ARMCX1: variants seen among roughly 807,000 people sequenced by gnomAD.
ARMCX1 encodes the protein armadillo repeat-containing X-linked protein 1.
In ARMCX1, 4 loss-of-function variants were observed where a neutral mutation model predicts 15.4. The ratio of observed to expected loss-of-function variants is 0.26; its 90% confidence interval spans 0.13 to 0.59. The LOEUF is 0.59. ARMCX1 is among the 20% of genes least tolerant of loss of function. The pLI is 0.89. For missense variants in ARMCX1, 273 were observed against 337.1 expected, an observed-to-expected ratio of 0.81 and a Z score of 1.49; for synonymous variants, 144 against 130.5, an observed-to-expected ratio of 1.10 and a Z score of -0.71.
Position 101,551,027 on chromosome X carries a change from C to G in ARMCX1, c.-188+3C>G, listed in dbSNP as rs913723954. On this transcript the variant is annotated splice_donor_region_variant and intron_variant, in intron 2 of 3. Coordinates refer to ENST00000372829, the MANE Select transcript of ARMCX1 (RefSeq NM_016608.2). ...TAGTCTGCCTGGAATCCCTGCAGGT[C>G]AGTGTAAAGCTGGAGCTGTCCCGCG... The G allele has an allele frequency of 1.8e-5, 2 of 111,224 alleles. No individual in the cohort carries two copies. The highest frequency in any genetic ancestry group is 3.8e-5 in the Non-Finnish European group (2 of 53,040). The allele number at this position is 111,224 out of a possible 1,213,427, so 9.2% of individuals were successfully genotyped here.
chrX:101,554,662 C>A lies in ARMCX1; in HGVS notation c.*370C>A. 8.2e-6 allele frequency: 1 copy of A among 121,461 alleles called. No individual in the cohort carries two copies. The highest frequency in any genetic ancestry group is 1.8e-5 in the Non-Finnish European group (1 of 55,922). The allele number at this position is 121,461 out of a possible 1,213,427, so 10.0% of individuals were successfully genotyped here. A position where few individuals can be genotyped will look rare whatever the true frequency, so the allele number is the denominator to read the frequency against. On this transcript the variant is annotated 3_prime_UTR_variant, in exon 4 of 4. Coordinates refer to ENST00000372829, the MANE Select transcript of ARMCX1 (RefSeq NM_016608.2). ...ATTTGTTATTCTAAGACTTGTGTTT[C>A]ATCAATAAAGTTGTGTTTTAAGCAG...
chrX:101,552,837 T>C lies in ARMCX1; in HGVS notation c.-94T>C. Reference sequence around the variant, plus strand: ...GAGCTGCCTCAGAGCCGGCCCGCAGTAGCTGCAGACTCCGCCCGCGACGTG... The same window carrying C: ...GAGCTGCCTCAGAGCCGGCCCGCAGCAGCTGCAGACTCCGCCCGCGACGTG... On this transcript the variant is annotated 5_prime_UTR_variant, in exon 4 of 4. Coordinates refer to ENST00000372829, the MANE Select transcript of ARMCX1 (RefSeq NM_016608.2). The C allele has an allele frequency of 2.0e-5, 21 of 1,042,175 alleles. No homozygotes were observed. The highest frequency in any genetic ancestry group is 2.7e-5 in the Non-Finnish European group (21 of 776,897). The allele number at this position is 1,042,175 out of a possible 1,213,427, so 85.9% of individuals were successfully genotyped here.
rs1312311590 is a variant in ARMCX1 at position 101,552,934 on chromosome X, G to T, written c.4G>T (p.Gly2Cys). The T allele has an allele frequency of 5.0e-6, 6 of 1,206,265 alleles. No homozygotes were observed. The highest frequency in any genetic ancestry group is 5.6e-6 in the Non-Finnish European group (5 of 893,386). Residue 2 changes from glycine (G) to cysteine (C), a missense_variant, in exon 4 of 4, where the codon GGC (glycine) becomes TGC (cysteine). Gly to Cys is a radical substitution (Grantham distance 159, BLOSUM62 -3). Coordinates refer to ENST00000372829, the MANE Select transcript of ARMCX1 (RefSeq NM_016608.2). MGRTREAGCVAA... is the reference protein window; with the variant it reads MCRTREAGCVAA... ...AGAGATTTGTCCCAGCTATACCATGGGCCGCACTCGGGAAGCTGGCTGCGT... is the reference window on the plus strand; with the variant it reads ...AGAGATTTGTCCCAGCTATACCATGTGCCGCACTCGGGAAGCTGGCTGCGT...
Position 101,553,617 on chromosome X carries a change from T to G in ARMCX1, c.687T>G (p.Thr229=), listed in dbSNP as rs1470958531. 1 of 1,210,144 alleles carries G rather than the reference T, an allele frequency of 8.3e-7. No homozygotes were observed. Among genetic ancestry groups the G allele is most frequent in the Admixed American group, 2.2e-5 (1 of 45,814 alleles). ...DPFIQEVALV[T]LGNNAAYSFN... is the part of the protein sequence containing the mutation. ...TTATTCAAGAAGTAGCCTTGGTCAC[T>G]CTGGGTAACAATGCAGCATATTCAT... Residue 229 remains threonine (T), a synonymous_variant, in exon 4 of 4, where the codon ACT becomes ACG. Coordinates refer to ENST00000372829, the MANE Select transcript of ARMCX1 (RefSeq NM_016608.2).
At position 101,554,372 on chromosome X, in the gene ARMCX1, C is replaced by T. The variant is rs1935413395; in HGVS notation, c.*80C>T. 2 of 962,923 alleles carry T rather than the reference C, an allele frequency of 2.1e-6. No individual in the cohort carries two copies. Among genetic ancestry groups the T allele is most frequent in the Middle Eastern group, 3.9e-4 (1 of 2,545 alleles). The allele number at this position is 962,923 out of a possible 1,213,427, so 79.4% of individuals were successfully genotyped here. A position where few individuals can be genotyped will look rare whatever the true frequency, so the allele number is the denominator to read the frequency against. On this transcript the variant is annotated 3_prime_UTR_variant, in exon 4 of 4. Coordinates refer to ENST00000372829, the MANE Select transcript of ARMCX1 (RefSeq NM_016608.2). ...TGTAAATTCTTTGTTTTTCATTGTG[C>T]GTATATGGTAAAGAGATCTTTTCAG...
In ARMCX1 at chrX:101,553,235, G is replaced by T. The variant is rs782690466; in HGVS notation, c.305G>T (p.Gly102Val). 1 of 1,212,203 alleles carries T rather than the reference G, an allele frequency of 8.2e-7. No individual in the cohort carries two copies. Among genetic ancestry groups the T allele is most frequent in the Non-Finnish European group, 1.1e-6 (1 of 895,598 alleles). The change falls in exon 4 of 4, where the codon GGT becomes GTT. Residue 102 changes from glycine (G) to valine (V), a missense_variant. Physicochemically the swap from Gly to Val is moderately radical, Grantham distance 109. Around this residue, in one of 2 missense-constraint regions of ARMCX1, gnomAD observed 147 missense variants for 143.5 expected, o/e 1.02. Transcript: ENST00000372829. Reference protein sequence around the residue: ...EKAHSGSHSGGGLEAKAKALF... With the variant: ...EKAHSGSHSGVGLEAKAKALF... ...GCCCATTCAGGATCCCACAGCGGAG[G>T]TGGCCTAGAGGCCAAGGCCAAGGCC... is the stretch of plus-strand genomic sequence containing the variant.
rs140507248 is a variant in ARMCX1 at position 101,553,032 on chromosome X, C to G, written c.102C>G (p.Asn34Lys). Residue 34 changes from asparagine to lysine, a missense_variant, in exon 4 of 4, where the codon AAC becomes AAG. Coordinates refer to ENST00000372829, the MANE Select transcript of ARMCX1 (RefSeq NM_016608.2). ...VYRLAWGRDE[N>K]EKIWDEDEES... The stretch of plus-strand genomic sequence containing the variant: ...GACTGGCTTGGGGAAGAGACGAGAA[C>G]GAGAAAATCTGGGACGAAGACGAGG... 8.3e-7 allele frequency: 1 copy of G among 1,211,445 alleles called. No individual in the cohort carries two copies.
Position 101,554,372 on chromosome X carries a change from CG to C in ARMCX1, c.*81del, listed in dbSNP as rs1935413468. On this transcript the variant is annotated 3_prime_UTR_variant, in exon 4 of 4. Coordinates refer to ENST00000372829, the MANE Select transcript of ARMCX1 (RefSeq NM_016608.2). ...TGTAAATTCTTTGTTTTTCATTGTG[CG>C]TATATGGTAAAGAGATCTTTTCAGC... is the stretch of plus-strand genomic sequence containing the variant. The C allele has an allele frequency of 1.0e-6, 1 of 961,509 alleles. No individual in the cohort carries two copies. Among genetic ancestry groups the C allele is most frequent in the African/African-American group, 2.0e-5 (1 of 50,718 alleles). 79.2% of individuals were successfully genotyped at this position (961,509 alleles called of 1,213,427 possible).
chrX:101,552,026 G>T (rs1174191634), intron 3 of ARMCX1, among the ~76,000 whole-genome samples: 2 of 53,817 alleles, frequency 3.7e-5, no homozygotes, highest in African/African-American at 8.0e-5. Flanking sequence ...GGGGGGGGGG[G>T]GCGGCGGTGT....
At chrX:101,551,867 TG>T (rs1312196270) in intron 3 of ARMCX1, among the ~76,000 whole-genome samples, 3 of 108,495 alleles carry the variant, frequency 2.8e-5, no homozygotes, top group South Asian at 4.2e-4. Flanking sequence ...AATTACTGTT[TG>T]GGGTACAGGG....
In ARMCX1 at chrX:101,553,167, G is replaced by A; in HGVS notation, c.237G>A (p.Glu79=). Residue 79 remains glutamate (E), a synonymous_variant, in exon 4 of 4, where the codon GAG becomes GAA. Transcript: ENST00000372829. ...AGGGTGATTCAGAGGTCAAGCCTGA[G>A]GTGAGTTTGGGACTCGAGGATTGTC... The part of the protein sequence containing the change: ...KLQGDSEVKP[E]VSLGLEDCPG... 1.7e-6 allele frequency: 2 copies of A among 1,212,042 alleles called. No homozygotes were observed. Among genetic ancestry groups the A allele is most frequent in the South Asian group, 3.5e-5 (2 of 56,960 alleles).
Position 101,554,243 on chromosome X carries a change from A to G in ARMCX1, c.1313A>G (p.Asn438Ser), listed in dbSNP as rs868969363. 8.3e-6 allele frequency: 10 copies of G among 1,201,028 alleles called. No individual in the cohort carries two copies. The African/African-American group carries it at 1.1e-4, about 13-fold the overall frequency. ...AAAATCAAAGCACTAGCAAATCACA[A>G]TGATCTGGTGGTGAAAGTAAAAGTC... ...VKKIKALANHNDLVVKVKVLK... is the reference protein window; with the variant it reads ...VKKIKALANHSDLVVKVKVLK... Residue 438 changes from asparagine (N) to serine (S), a missense_variant, in exon 4 of 4, where the codon AAT becomes AGT. By Grantham distance (46) the Asn-to-Ser change is conservative. Coordinates refer to ENST00000372829, the MANE Select transcript of ARMCX1 (RefSeq NM_016608.2).
intron 2 of ARMCX1, among the ~76,000 whole-genome samples, chrX:101,551,264 TC>T (rs1466619109): frequency 9.2e-6 from 1 of 108,925 alleles, no homozygotes. Flanking sequence ...ATTTTCCATA[TC>T]CCCCCTCGCC....
chrX:101,554,283 C>A lies in ARMCX1; in HGVS notation c.1353C>A (p.Thr451=). ...AAGTAAAAGTCCTGAAAGTATTAAC[C>A]AAACTCTAATTTGGAGTCTGTCCCA... is the stretch of plus-strand genomic sequence containing the variant. The part of the protein sequence containing the change: ...VVKVKVLKVL[T]KL Residue 451 remains threonine, a synonymous_variant, in exon 4 of 4, where the codon ACC becomes ACA. Coordinates refer to ENST00000372829, the MANE Select transcript of ARMCX1 (RefSeq NM_016608.2). 1 of 1,178,429 alleles carries A rather than the reference C, an allele frequency of 8.5e-7. No homozygotes were observed.
At chrX:101,551,969 T>C (rs1187739023) in intron 3 of ARMCX1, among the ~76,000 whole-genome samples, 3 of 71,108 alleles carry the variant, frequency 4.2e-5, no homozygotes, top group African/African-American at 1.8e-4. Flanking sequence ...GTGAGGGAGG[T>C]AAGAAATTGC....
chrX:101,552,025 G>GGGGGT (rs879996296), intron 3 of ARMCX1, among the ~76,000 whole-genome samples: 4 of 56,767 alleles, frequency 7.0e-5, no homozygotes, highest in African/African-American at 2.2e-4. Flanking sequence ...TGGGGGGGGG[G>GGGGGT]GGCGGCGGTG....
chrX:101,553,056 G>C lies in ARMCX1; in HGVS notation c.126G>C (p.Glu42Asp). 8.3e-7 allele frequency: 1 copy of C among 1,211,736 alleles called. No individual in the cohort carries two copies. The highest frequency in any genetic ancestry group is 1.1e-6 in the Non-Finnish European group (1 of 895,535). The stretch of plus-strand genomic sequence containing the variant: ...ACGAGAAAATCTGGGACGAAGACGA[G>C]GAGTCTACGGACACCTCAGAGATTG... ...DENEKIWDEDEESTDTSEIGV... is the reference protein window; with the variant it reads ...DENEKIWDEDDESTDTSEIGV... The change falls in exon 4 of 4, where the codon GAG (glutamate) becomes GAC (aspartate). Residue 42 changes from glutamate to aspartate, a missense_variant. By Grantham distance (45) the Glu-to-Asp change is conservative. Transcript: ENST00000372829.
chrX:101,552,842 G>A lies in ARMCX1; in HGVS notation c.-89G>A. On this transcript the variant is annotated 5_prime_UTR_variant, in exon 4 of 4. Transcript: ENST00000372829. ...GCCTCAGAGCCGGCCCGCAGTAGCT[G>A]CAGACTCCGCCCGCGACGTGTGCGC... 8 of 1,073,294 alleles carry A rather than the reference G, an allele frequency of 7.5e-6. No individual in the cohort carries two copies. The highest frequency in any genetic ancestry group is 1.0e-5 in the Non-Finnish European group (8 of 803,882). The allele number at this position is 1,073,294 out of a possible 1,213,427, so 88.5% of individuals were successfully genotyped here.
rs1556027386 is a variant in ARMCX1 at position 101,553,432 on chromosome X, A to C, written c.502A>C (p.Lys168Gln). 8.3e-7 allele frequency: 1 copy of C among 1,198,826 alleles called. No individual in the cohort carries two copies. The highest frequency in any genetic ancestry group is 2.3e-4 in the Middle Eastern group (1 of 4,281). Reference sequence around the variant, plus strand: ...TAGGGCCGGGGGCAGGGCAAGTGGAAAATCCAAGGGAAAGGCCCGAAGTAA... The same window carrying C: ...TAGGGCCGGGGGCAGGGCAAGTGGACAATCCAAGGGAAAGGCCCGAAGTAA... ...GSRAGGRASG[K>Q]SKGKARSKST... Residue 168 changes from lysine to glutamine, a missense_variant, in exon 4 of 4, where the codon AAA becomes CAA. Physicochemically the swap from Lys to Gln is moderately conservative, Grantham distance 53. Transcript: ENST00000372829.
Sources: gnomAD v4.1 joint callset for allele counts (sites outside exome capture counted in the v4.1 genomes callset) on GRCh38, gnomAD v4.1.1 for gene constraint, gnomAD v4.1.1 regional missense constraint, MANE v1.5 for transcripts, NCBI Gene and HGNC (gene_info 2026-07-23, HGNC 2026-07-21) for gene names.